KIF18A: variants seen among roughly 807,000 people sequenced by gnomAD.
The protein encoded by KIF18A is kinesin-like protein KIF18A.
A neutral mutation model predicts 103.3 loss-of-function variants in KIF18A; 67 were observed. That is an observed-to-expected ratio of 0.65 (90% CI 0.53 to 0.79). KIF18A has a LOEUF of 0.79. Among genes scored for constraint, KIF18A ranks in the 30% least tolerant of loss-of-function variants. The pLI is 0.00. For synonymous variants in KIF18A, 367 were observed against 355.5 expected (o/e 1.03, Z -0.36); for missense variants, 1,032 against 1,062.5 (o/e 0.97, Z 0.40).
At chr11:28,060,700 C>T (rs1481316652) in intron 12 of KIF18A, among the ~76,000 whole-genome samples, 2 of 149,572 alleles carry the variant, frequency 1.3e-5, no homozygotes, top group African/African-American at 5.0e-5. Flanking sequence ...ACTCATATGA[C>T]AAGAGTGGCT....
chr11:28,090,552 T>C (rs2133559443), intron 5 of KIF18A, 65 bp downstream of exon 5: 1 of 908,214 alleles, frequency 1.1e-6, no homozygotes, highest in South Asian at 1.5e-5. Flanking sequence ...AAAATGATGA[T>C]TCATGAATTT....
At chr11:28,077,256 G>T in intron 9 of KIF18A, 87 bp from the exon 10 acceptor site, 3 of 872,050 alleles carry the variant, frequency 3.4e-6, no homozygotes, top group Non-Finnish European at 5.2e-6. Context: ...ATAAACAAAG[G>T]AATATATGTA....
chr11:28,022,376 T>C (rs1183519334), intron 16 of KIF18A, among the ~76,000 whole-genome samples: 1 of 151,914 alleles, frequency 6.6e-6, no homozygotes, highest in Non-Finnish European at 1.5e-5. Context: ...GCCATTCTCC[T>C]GCCTCAGCTT....
intron 13 of KIF18A, among the ~76,000 whole-genome samples, chr11:28,057,990 C>T (rs1196714982): frequency 6.6e-6 from 1 of 152,154 alleles, no homozygotes; most frequent in Non-Finnish European, 1.5e-5. Flanking sequence ...TTATGTAATA[C>T]ATGTGTATTA....
rs1850489360 is a variant in KIF18A at position 28,036,302 on chromosome 11, T to G, written c.2311A>C (p.Thr771Pro). ...CGQEDLDSTFTICEDIKSSKC... is the reference protein window; with the variant it reads ...CGQEDLDSTFPICEDIKSSKC... ...GAGCTCTTGATGTCTTCACATATAG[T>G]AAATGTAGAGTCCAAGTCCTCCTGT... Residue 771 changes from threonine to proline, a missense_variant, in exon 14 of 17, where the codon ACT (threonine) becomes CCT (proline). Transcript: ENST00000263181. 1 of 1,610,496 alleles carries G rather than the reference T, an allele frequency of 6.2e-7. No individual in the cohort carries two copies. The highest frequency in any genetic ancestry group is 1.1e-5 in the South Asian group (1 of 90,942).
intron 15 of KIF18A, among the ~76,000 whole-genome samples, chr11:28,027,732 G>C (rs1056737211): frequency 2.6e-5 from 4 of 151,844 alleles, no homozygotes; most frequent in Non-Finnish European, 5.9e-5. Context: ...GAAAAGCTTG[G>C]AATTTGATGG....
intron 11 of KIF18A, among the ~76,000 whole-genome samples, chr11:28,066,756 G>A (rs934638603): frequency 2.0e-5 from 3 of 149,592 alleles, no homozygotes; most frequent in Non-Finnish European, 4.5e-5. Context: ...CCCCCAAAAA[G>A]GTCAGAATCA....
intron 15 of KIF18A, among the ~76,000 whole-genome samples, chr11:28,026,914 A>T (rs1327218485): frequency 1.3e-5 from 2 of 151,846 alleles, no homozygotes; most frequent in Non-Finnish European, 3.0e-5. Flanking sequence ...TAATTGTACA[A>T]ATCAAATTTG....
intron 15 of KIF18A, among the ~76,000 whole-genome samples, chr11:28,024,078 T>C (rs184285079): frequency 9.4e-4 from 143 of 151,808 alleles, no homozygotes; most frequent in Non-Finnish European, 1.3e-3. Context: ...AATGTTATGA[T>C]TGTAGGTGTA....
intron 11 of KIF18A, among the ~76,000 whole-genome samples, chr11:28,063,918 C>A (rs1198871873): frequency 6.6e-6 from 1 of 151,674 alleles, no homozygotes; most frequent in East Asian, 1.9e-4. Context: ...TTTAATAAAA[C>A]TCCTTTCCAA....
intron 16 of KIF18A, among the ~76,000 whole-genome samples, chr11:28,023,176 C>T (rs1850267693): frequency 1.3e-5 from 2 of 152,100 alleles, no homozygotes; most frequent in Admixed American, 6.5e-5. Context: ...GGTTTTGTTA[C>T]CATAAACTCA....
At chr11:28,029,534 A>C in intron 15 of KIF18A, among the ~76,000 whole-genome samples, 1 of 152,150 alleles carries the variant, frequency 6.6e-6, no homozygotes. Flanking sequence ...GTATCTCAAA[A>C]TAATAAGAGC....
chr11:28,098,827 T>C (rs757973447), intron 1 of KIF18A, among the ~76,000 whole-genome samples: 1 of 151,570 alleles, frequency 6.6e-6, no homozygotes, highest in Non-Finnish European at 1.5e-5. Context: ...CTCTAGAATC[T>C]GCAGACCCAA....
chr11:28,071,725 G>A (rs564568589), intron 10 of KIF18A, among the ~76,000 whole-genome samples: 1 of 152,180 alleles, frequency 6.6e-6, no homozygotes, highest in East Asian at 1.9e-4. Context: ...ACAGAAGGTG[G>A]GAGGTGTGAC....
intron 3 of KIF18A, among the ~76,000 whole-genome samples, chr11:28,091,816 T>C (rs1272338363): frequency 6.6e-6 from 1 of 152,166 alleles, no homozygotes; most frequent in African/African-American, 2.4e-5. Context: ...GAAGTGCATT[T>C]TCTTCTTTTC....
At chr11:28,080,901 A>G (rs1851157403) in intron 9 of KIF18A, among the ~76,000 whole-genome samples, 2 of 152,236 alleles carry the variant, frequency 1.3e-5, no homozygotes, top group Admixed American at 1.3e-4. Flanking sequence ...GTGCTACTCC[A>G]GTGAACACAC....
intron 13 of KIF18A, among the ~76,000 whole-genome samples, chr11:28,039,557 C>T (rs1235357928): frequency 1.3e-5 from 2 of 151,614 alleles, no homozygotes; most frequent in East Asian, 3.9e-4. Flanking sequence ...TCATGGTGGA[C>T]CACATTTTCC....
chr11:28,045,147 CAT>C (rs898287523), intron 13 of KIF18A, among the ~76,000 whole-genome samples: 4 of 151,964 alleles, frequency 2.6e-5, no homozygotes, highest in Admixed American at 2.0e-4. Context: ...GACAATAAAA[CAT>C]AGGATAATCT....
Position 28,036,312 on chromosome 11 carries a change from G to C in KIF18A, c.2301C>G (p.Asp767Glu). The C allele has an allele frequency of 6.2e-7, 1 of 1,610,464 alleles. No homozygotes were observed. Among genetic ancestry groups the C allele is most frequent in the South Asian group, 1.1e-5 (1 of 90,944 alleles). ...RRKECGQEDL[D>E]STFTICEDIK... ...TGTCTTCACATATAGTAAATGTAGA[G>C]TCCAAGTCCTCCTGTCCACATTCTT... is the stretch of plus-strand genomic sequence containing the variant. Residue 767 changes from aspartate to glutamate, a missense_variant, in exon 14 of 17, where the codon GAC becomes GAG. Coordinates refer to ENST00000263181, the MANE Select transcript of KIF18A (RefSeq NM_031217.4).
Sources: allele counts gnomAD v4.1 joint callset (sites outside exome capture counted in the v4.1 genomes callset), GRCh38; gene constraint gnomAD v4.1.1; transcripts MANE v1.5; gene names NCBI Gene and HGNC (gene_info 2026-07-23, HGNC 2026-07-21).